The following SLC16A10 variants were observed in gnomAD, a reference collection of about 807,000 sequenced individuals.
SLC16A10 encodes the protein monocarboxylate transporter 10.
Under a neutral mutation model 40.0 loss-of-function variants are expected in SLC16A10, and 27 were observed. That is an observed-to-expected ratio of 0.67 (90% CI 0.50 to 0.93). The LOEUF (loss-of-function observed/expected upper bound fraction) is 0.93. Ranked by LOEUF, SLC16A10 falls within the 40% of genes least tolerant of loss-of-function variation. SLC16A10 has a pLI of 0.00. For missense variants in SLC16A10, 529 were observed against 658.2 expected, an observed-to-expected ratio of 0.80 and a Z score of 2.15; for synonymous variants, 213 against 249.8, an observed-to-expected ratio of 0.85 and a Z score of 1.39.
intron 3 of SLC16A10, among the ~76,000 whole-genome samples, chr6:111,194,729 A>G (rs1458312068): frequency 1.3e-5 from 2 of 152,076 alleles, no homozygotes; most frequent in African/African-American, 4.8e-5. Context: ...TTTCTTTTAT[A>G]TGCTCCTTAC....
chr6:111,154,089 G>T (rs775264137), intron 1 of SLC16A10, among the ~76,000 whole-genome samples: 3 of 152,116 alleles, frequency 2.0e-5, no homozygotes, highest in Non-Finnish European at 4.4e-5. Flanking sequence ...TTCAGGTTAA[G>T]AACAGTTTAT....
chr6:111,188,246 TCTCTCTCC>T (rs146358093), intron 3 of SLC16A10, among the ~76,000 whole-genome samples: 2,200 of 151,216 alleles, frequency 0.015, 45 homozygotes, highest in African/African-American at 0.039. Context: ...TCATTTACTT[TCTCTCTCC>T]CTCTCTCCCT....
At chr6:111,190,255 A>G (rs948180294) in intron 3 of SLC16A10, among the ~76,000 whole-genome samples, 1 of 152,194 alleles carries the variant, frequency 6.6e-6, no homozygotes, top group African/African-American at 2.4e-5. Flanking sequence ...TTCAGGGCAC[A>G]TTGATATAAG....
chr6:111,201,159 G>C (rs1415519287), intron 3 of SLC16A10, among the ~76,000 whole-genome samples: 1 of 152,076 alleles, frequency 6.6e-6, no homozygotes, highest in African/African-American at 2.4e-5. Flanking sequence ...TTTCCAGTTC[G>C]ATGATGTGTA....
chr6:111,189,813 G>A (rs1377895066), intron 3 of SLC16A10, among the ~76,000 whole-genome samples: 3 of 152,146 alleles, frequency 2.0e-5, no homozygotes, highest in African/African-American at 4.8e-5. Context: ...CCACCAGCTT[G>A]CTCCCATGAT....
intron 3 of SLC16A10, among the ~76,000 whole-genome samples, chr6:111,202,056 C>G (rs1773175786): frequency 6.6e-6 from 1 of 152,200 alleles, no homozygotes; most frequent in East Asian, 1.9e-4. Context: ...AGGAGAGAGG[C>G]CAAGGCTGAG....
chr6:111,202,207 G>A (rs560104313), intron 3 of SLC16A10, among the ~76,000 whole-genome samples: 2 of 152,352 alleles, frequency 1.3e-5, no homozygotes, highest in African/African-American at 4.8e-5. Flanking sequence ...CGGGTGTGGT[G>A]GCTCATGCCT....
intron 3 of SLC16A10, chr6:111,178,481 C>T (rs374151012): frequency 3.8e-6 from 2 of 526,858 alleles, no homozygotes; most frequent in Admixed American, 2.0e-5. Context: ...TGTAATCCCA[C>T]CACTTTGGGG....
chr6:111,198,824 C>T (rs139689540), intron 3 of SLC16A10, among the ~76,000 whole-genome samples: 50 of 152,248 alleles, frequency 3.3e-4, no homozygotes, highest in African/African-American at 1.2e-3. Flanking sequence ...CTAGATCAGT[C>T]CAAGAATAAG....
At chr6:111,098,033 C>T (rs572910865) in intron 1 of SLC16A10, among the ~76,000 whole-genome samples, 1 of 152,158 alleles carries the variant, frequency 6.6e-6, no homozygotes, top group African/African-American at 2.4e-5. Context: ...AGGCCGGGTG[C>T]CGTGGCTCAT....
chr6:111,175,688 C>T (rs567266115), intron 2 of SLC16A10, among the ~76,000 whole-genome samples: 1 of 148,414 alleles, frequency 6.7e-6, no homozygotes, highest in Admixed American at 6.9e-5. Context: ...CTATGAATAT[C>T]TTGAAGGCAG....
chr6:111,101,232 T>G (rs1218493134), intron 1 of SLC16A10, among the ~76,000 whole-genome samples: 1 of 151,772 alleles, frequency 6.6e-6, no homozygotes, highest in Non-Finnish European at 1.5e-5. Context: ...GGGTTTTGCC[T>G]TGTTGCCCAG....
intron 1 of SLC16A10, among the ~76,000 whole-genome samples, chr6:111,168,572 T>C (rs1313089206): frequency 6.6e-6 from 1 of 152,226 alleles, no homozygotes; most frequent in African/African-American, 2.4e-5. Context: ...CCTTGGATTG[T>C]TTAGATGCCA....
chr6:111,222,357 T>G lies in SLC16A10; in HGVS notation c.*122T>G. On this transcript the variant is annotated 3_prime_UTR_variant, in exon 6 of 6. Coordinates refer to ENST00000368851, the MANE Select transcript of SLC16A10 (RefSeq NM_018593.5). ...CACATCCTAGGAATAGCACAATAAT[T>G]GGGAAATAGAACCCTTATCACTAGA... 1 of 1,290,318 alleles carries G rather than the reference T, an allele frequency of 7.8e-7. No individual in the cohort carries two copies. The highest frequency in any genetic ancestry group is 1.0e-6 in the Non-Finnish European group (1 of 979,496). 79.9% of individuals were successfully genotyped at this position (1,290,318 alleles called of 1,614,324 possible).
intron 2 of SLC16A10, among the ~76,000 whole-genome samples, chr6:111,174,670 A>G (rs1477256752): frequency 1.3e-5 from 2 of 152,122 alleles, no homozygotes; most frequent in African/African-American, 2.4e-5. Flanking sequence ...ACCTCATCAG[A>G]TAGCTTCTTT....
At chr6:111,172,907 A>G (rs1450213468) in intron 2 of SLC16A10, 68 bp downstream of exon 2, 11 of 1,543,840 alleles carry the variant, frequency 7.1e-6, no homozygotes, top group Non-Finnish European at 9.7e-6. Context: ...TACTTTCAGA[A>G]ACTATGCTAT....
chr6:111,205,122 G>A (rs1773233586), intron 3 of SLC16A10, among the ~76,000 whole-genome samples: 1 of 152,172 alleles, frequency 6.6e-6, no homozygotes, highest in Non-Finnish European at 1.5e-5. Context: ...CCATATTTAG[G>A]AGGATTATTC....
chr6:111,125,023 G>A (rs981032966), intron 1 of SLC16A10, among the ~76,000 whole-genome samples: 2 of 152,142 alleles, frequency 1.3e-5, no homozygotes, highest in Non-Finnish European at 2.9e-5. Flanking sequence ...TTTAACCTTA[G>A]TACAGCTATA....
chr6:111,177,369 CTGCTGCCTT>C lies in SLC16A10; in HGVS notation c.651_659del (p.Pro218_Leu220del). On this transcript the variant is annotated inframe_deletion, in exon 3 of 6. Coordinates refer to ENST00000368851, the MANE Select transcript of SLC16A10 (RefSeq NM_018593.5). Reference sequence around the variant, plus strand: ...TGCTGGCAGCAGTGTCTTCACAATCCTGCTGCCTTTGCTCTTAAGGGTTCTGATTGACAG... The same window carrying C: ...TGCTGGCAGCAGTGTCTTCACAATCCTGCTCTTAAGGGTTCTGATTGACAG... 6.2e-7 allele frequency: 1 copy of C among 1,613,902 alleles called. No homozygotes were observed. Among genetic ancestry groups the C allele is most frequent in the Non-Finnish European group, 8.5e-7 (1 of 1,179,960 alleles).
Sources: gnomAD v4.1 joint callset for allele counts (sites outside exome capture counted in the v4.1 genomes callset) on GRCh38, gnomAD v4.1.1 for gene constraint, MANE v1.5 for transcripts, NCBI Gene and HGNC (gene_info 2026-07-23, HGNC 2026-07-21) for gene names.